SKAP2: variants seen among roughly 807,000 people sequenced by gnomAD.
SKAP2 encodes the protein src kinase associated phosphoprotein 2.
In SKAP2, 28 loss-of-function variants were observed where a neutral mutation model predicts 54.9. The ratio of observed to expected loss-of-function variants is 0.51; its 90% CI spans 0.38 to 0.70. The LOEUF is 0.70. Among genes scored for constraint, SKAP2 ranks in the 30% least tolerant of loss-of-function variants. SKAP2 has a pLI of 0.00. For missense variants in SKAP2, 356 were observed against 424.1 expected, an observed-to-expected ratio of 0.84 and a Z score of 1.41; for synonymous variants, 137 against 134.3, an observed-to-expected ratio of 1.02 and a Z score of -0.14.
chr7:26,693,047 G>T (rs1786818610), intron 9 of SKAP2, among the ~76,000 whole-genome samples: 1 of 152,114 alleles, frequency 6.6e-6, no homozygotes, highest in Non-Finnish European at 1.5e-5. Flanking sequence ...AAGAGACTGT[G>T]GGGGCTGGGC....
At chr7:26,805,907 G>A (rs141219069) in intron 4 of SKAP2, among the ~76,000 whole-genome samples, 25 of 152,248 alleles carry the variant, frequency 1.6e-4, no homozygotes, top group African/African-American at 5.3e-4. Context: ...CAACTCTGTC[G>A]AGAAAGTCTA....
chr7:26,824,461 G>A (rs1223873640), intron 4 of SKAP2, among the ~76,000 whole-genome samples: 7 of 152,128 alleles, frequency 4.6e-5, no homozygotes, highest in Non-Finnish European at 2.9e-5. Context: ...ATTTTTCTGG[G>A]TTGGCAGAAA....
intron 11 of SKAP2, among the ~76,000 whole-genome samples, chr7:26,674,033 CG>C (rs1332285595): frequency 6.6e-6 from 1 of 151,906 alleles, no homozygotes; most frequent in Non-Finnish European, 1.5e-5. Context: ...CCGCTTTCTG[CG>C]AATGATATGG....
Position 26,864,305 on chromosome 7 carries a change from G to A in SKAP2, c.67+58C>T, listed in dbSNP as rs370771740. 7.5e-6 allele frequency: 12 copies of A among 1,605,414 alleles called. No individual in the cohort carries two copies. The African/African-American group carries it at 1.5e-4, about 20-fold the overall frequency. ...GCTCTGAATGCTTCTGTCCCCACCG[G>A]CTCACCGTTCCCTCGCCCCCGCCCC... On this transcript the variant is annotated intron_variant, in intron 1 of 12. Transcript: ENST00000345317.
intron 11 of SKAP2, among the ~76,000 whole-genome samples, 168 bp downstream of exon 11, chr7:26,684,568 A>G (rs1047806760): frequency 1.3e-5 from 2 of 152,198 alleles, no homozygotes; most frequent in African/African-American, 4.8e-5. Flanking sequence ...TTAAAATTTG[A>G]TTACATTTCA....
chr7:26,747,812 C>A (rs2127965033), intron 4 of SKAP2, among the ~76,000 whole-genome samples: 1 of 151,538 alleles, frequency 6.6e-6, no homozygotes, highest in Admixed American at 6.6e-5. Context: ...CTTTCTCCTC[C>A]CTCTCCTCTC....
intron 11 of SKAP2, among the ~76,000 whole-genome samples, chr7:26,681,137 T>C (rs939348072): frequency 6.6e-6 from 1 of 152,234 alleles, no homozygotes; most frequent in Non-Finnish European, 1.5e-5. Context: ...TAAATGTTTT[T>C]CTGCCATTAC....
chr7:26,824,028 G>T (rs1354692959), intron 4 of SKAP2, among the ~76,000 whole-genome samples: 1 of 152,142 alleles, frequency 6.6e-6, no homozygotes, highest in Non-Finnish European at 1.5e-5. Flanking sequence ...AATTCTTAAA[G>T]AAATTCTACC....
intron 9 of SKAP2, among the ~76,000 whole-genome samples, chr7:26,713,762 G>A (rs1440530203): frequency 6.6e-6 from 1 of 151,990 alleles, no homozygotes; most frequent in Non-Finnish European, 1.5e-5. Flanking sequence ...ACCACGCCCA[G>A]CTCATTTTTT....
At chr7:26,757,355 T>G (rs868865527) in intron 4 of SKAP2, among the ~76,000 whole-genome samples, 71 of 152,182 alleles carry the variant, frequency 4.7e-4, no homozygotes, top group African/African-American at 1.6e-3. Context: ...TTGTACAAGG[T>G]GTAAGGAAGG....
chr7:26,857,885 A>C (rs185788997), intron 1 of SKAP2: 23 of 210,298 alleles, frequency 1.1e-4, no homozygotes, highest in African/African-American at 4.7e-4. Context: ...ACTAGCAAGC[A>C]CAGTAAACTA....
At chr7:26,683,700 T>C (rs1037805227) in intron 11 of SKAP2, among the ~76,000 whole-genome samples, 2 of 152,198 alleles carry the variant, frequency 1.3e-5, no homozygotes, top group African/African-American at 2.4e-5. Flanking sequence ...ATTATCATCA[T>C]TGAGACTCAT....
chr7:26,844,109 A>G lies in SKAP2; in HGVS notation c.228T>C (p.Asp76=). 8 of 1,611,454 alleles carry G rather than the reference A, an allele frequency of 5.0e-6. No individual in the cohort carries two copies. The highest frequency in any genetic ancestry group is 2.2e-5 in the East Asian group (1 of 44,810). ...TGTCTGGAGGCCCAGCAAAAGGGTC[A>G]TCATATTCTTCCCCATCTTCTGCAT... ...KGDAEDGEEY[D]DPFAGPPDTI... Residue 76 remains aspartate (D), a synonymous_variant, in exon 4 of 13, where the codon GAT becomes GAC. Transcript: ENST00000345317.
chr7:26,766,757 T>C (rs1366881966), intron 4 of SKAP2, among the ~76,000 whole-genome samples: 2 of 152,212 alleles, frequency 1.3e-5, no homozygotes, highest in Admixed American at 1.3e-4. Flanking sequence ...TCTGTTTATG[T>C]GATGGATTAT....
At chr7:26,833,259 G>A (rs967381223) in intron 4 of SKAP2, among the ~76,000 whole-genome samples, 12 of 152,160 alleles carry the variant, frequency 7.9e-5, no homozygotes, top group Admixed American at 5.2e-4. Context: ...AGCCAGGAGT[G>A]GTGGCAGGCA....
chr7:26,739,659 A>T (rs1484769407), intron 5 of SKAP2, among the ~76,000 whole-genome samples: 1 of 152,214 alleles, frequency 6.6e-6, no homozygotes, highest in African/African-American at 2.4e-5. Flanking sequence ...AATCATTTAC[A>T]AATAACCAAG....
intron 9 of SKAP2, among the ~76,000 whole-genome samples, chr7:26,700,146 G>T (rs1786991113): frequency 6.6e-6 from 1 of 152,126 alleles, no homozygotes; most frequent in Non-Finnish European, 1.5e-5. Flanking sequence ...AAGCCCTAAG[G>T]TATTCATAAA....
chr7:26,857,688 G>C (rs2127999271), intron 1 of SKAP2: 10 of 985,494 alleles, frequency 1.0e-5, no homozygotes, highest in African/African-American at 1.7e-5. Flanking sequence ...TGAGCATGGA[G>C]AGCCGGGTCT....
intron 4 of SKAP2, among the ~76,000 whole-genome samples, chr7:26,805,727 A>G (rs1384693214): frequency 6.6e-6 from 1 of 152,216 alleles, no homozygotes; most frequent in Non-Finnish European, 1.5e-5. Context: ...CAATTTCATG[A>G]ATAGTTCTAA....
Sources: gnomAD v4.1 joint callset for allele counts (sites outside exome capture counted in the v4.1 genomes callset) on GRCh38, gnomAD v4.1.1 for gene constraint, MANE v1.5 for transcripts, NCBI Gene and HGNC (gene_info 2026-07-23, HGNC 2026-07-21) for gene names.